Variants in DCLK1 observed in about 807,000 individuals in gnomAD.
The protein encoded by DCLK1 is serine/threonine-protein kinase DCLK1.
A neutral mutation model predicts 86.2 loss-of-function variants in DCLK1; 16 were observed. The observed-to-expected ratio is 0.19, with a 90% CI of 0.13 to 0.28. DCLK1 has a LOEUF of 0.28. DCLK1 is among the 10% of genes least tolerant of loss of function. The pLI, the probability that DCLK1 is intolerant of heterozygous loss-of-function variation, is 1.00. For synonymous variants in DCLK1, 369 were observed against 370.5 expected (o/e 1.00, Z 0.05); for missense variants, 590 against 940.2 (o/e 0.63, Z 4.87).
chr13:36,083,470 T>G (rs937459084), intron 3 of DCLK1, among the ~76,000 whole-genome samples: 5 of 152,216 alleles, frequency 3.3e-5, no homozygotes, highest in Admixed American at 3.3e-4. Context: ...ATAATTAAAA[T>G]TTAAATGGCT....
rs774404394 is a variant in DCLK1 at position 36,019,795 on chromosome 13, G to A, written c.724-72338C>T. 6.6e-5 allele frequency among the ~76,000 whole-genome samples: 10 copies of A among 152,266 alleles called. No homozygotes were observed. The South Asian group carries it at 1.0e-3, about 16-fold the overall frequency. On this transcript the variant is annotated intron_variant, in intron 3 of 16. Coordinates refer to ENST00000360631, the MANE Select transcript of DCLK1 (RefSeq NM_001330071.2). ...GCAGTACTGAGTTTTAAAAGACAGC[G>A]AAAGGCACATTGTAATCTTCAGCAT...
intron 4 of DCLK1, among the ~76,000 whole-genome samples, chr13:35,918,892 G>GTTT (rs749567335): frequency 0.049 from 3,760 of 76,336 alleles, 603 homozygotes; most frequent in East Asian, 0.3. Flanking sequence ...TTCTGAGTGT[G>GTTT]TTTTTTTTTT....
intron 2 of DCLK1, among the ~76,000 whole-genome samples, chr13:36,122,403 A>ATATTTTTTATCTTAATT (rs1886023460): frequency 1.3e-5 from 2 of 152,224 alleles, no homozygotes; most frequent in Admixed American, 6.5e-5. Flanking sequence ...AGAAGATTAC[A>ATATTTTTTATCTTAATT]TATCTACAGA....
intron 4 of DCLK1, among the ~76,000 whole-genome samples, chr13:35,945,213 A>G (rs1316253690): frequency 6.6e-6 from 1 of 152,150 alleles, no homozygotes; most frequent in Non-Finnish European, 1.5e-5. Flanking sequence ...GGGCATTGAG[A>G]AATAATTCTA....
intron 7 of DCLK1, among the ~76,000 whole-genome samples, chr13:35,838,583 C>T (rs1319846681): frequency 6.6e-6 from 1 of 152,206 alleles, no homozygotes; most frequent in Non-Finnish European, 1.5e-5. Context: ...GACCACATCA[C>T]AGAGACATTC....
chr13:35,919,172 A>G (rs1204598890), intron 4 of DCLK1, among the ~76,000 whole-genome samples: 1 of 152,088 alleles, frequency 6.6e-6, no homozygotes, highest in Non-Finnish European at 1.5e-5. Flanking sequence ...GATTACAGCC[A>G]TCAGCCACCA....
chr13:35,988,127 G>C (rs1880034614), intron 3 of DCLK1, among the ~76,000 whole-genome samples: 1 of 152,310 alleles, frequency 6.6e-6, no homozygotes, highest in Admixed American at 6.5e-5. Flanking sequence ...CAGCCCCACT[G>C]TTTCCTCCCT....
chr13:35,932,662 C>A (rs928971927), intron 4 of DCLK1, among the ~76,000 whole-genome samples: 1 of 152,178 alleles, frequency 6.6e-6, no homozygotes, highest in Non-Finnish European at 1.5e-5. Flanking sequence ...TCTCATGCAA[C>A]TTATTCACTA....
At position 35,774,297 on chromosome 13, in the gene DCLK1, A is replaced by C; in HGVS notation, c.*238T>G. On this transcript the variant is annotated 3_prime_UTR_variant, in exon 17 of 17. Coordinates refer to ENST00000360631, the MANE Select transcript of DCLK1 (RefSeq NM_001330071.2). ...CTTCTAAGTTTAAAAAAAAATTGCA[A>C]ATTGGCCTTAACCCTTTGAGGACTC... 2.1e-6 allele frequency: 1 copy of C among 473,550 alleles called. No homozygotes were observed. The highest frequency in any genetic ancestry group is 3.6e-5 in the Admixed American group (1 of 28,026). 29.3% of individuals were successfully genotyped at this position (473,550 alleles called of 1,614,324 possible).
At chr13:36,044,409 A>G (rs1385903679) in intron 3 of DCLK1, among the ~76,000 whole-genome samples, 1 of 152,204 alleles carries the variant, frequency 6.6e-6, no homozygotes, top group Non-Finnish European at 1.5e-5. Flanking sequence ...GGAGATGATG[A>G]CTGTACAGAA....
At chr13:35,791,037 G>A (rs375842242) in intron 16 of DCLK1, among the ~76,000 whole-genome samples, 1 of 152,126 alleles carries the variant, frequency 6.6e-6, no homozygotes, top group Admixed American at 6.6e-5. Flanking sequence ...TCTTCTAGAA[G>A]GTAGAGATAT....
intron 3 of DCLK1, among the ~76,000 whole-genome samples, chr13:35,984,491 G>A (rs1879806179): frequency 6.6e-6 from 1 of 152,194 alleles, no homozygotes; most frequent in African/African-American, 2.4e-5. Flanking sequence ...CTCCAGGATG[G>A]GGCTGTTGAG....
intron 3 of DCLK1, among the ~76,000 whole-genome samples, chr13:36,098,751 G>A (rs1039655487): frequency 1.3e-5 from 2 of 151,960 alleles, no homozygotes; most frequent in African/African-American, 4.8e-5. Context: ...TCCCTCTCAC[G>A]TTAACTGATG....
intron 2 of DCLK1, among the ~76,000 whole-genome samples, chr13:36,117,940 G>A (rs369193524): frequency 1.8e-4 from 27 of 152,194 alleles, no homozygotes; most frequent in African/African-American, 5.3e-4. Context: ...AAGGGAAATG[G>A]AATTCACACT....
intron 4 of DCLK1, among the ~76,000 whole-genome samples, chr13:35,941,076 C>T (rs74046170): frequency 4.2e-4 from 64 of 152,250 alleles, no homozygotes; most frequent in African/African-American, 1.5e-3. Flanking sequence ...GATGTAGAGA[C>T]CACACAGAAA....
intron 3 of DCLK1, among the ~76,000 whole-genome samples, chr13:36,019,601 A>G (rs1881684309): frequency 1.3e-5 from 2 of 152,204 alleles, no homozygotes; most frequent in African/African-American, 4.8e-5. Context: ...ACCTGAGAAC[A>G]CTTATCACGA....
chr13:36,120,357 G>A (rs192759577), intron 2 of DCLK1, among the ~76,000 whole-genome samples: 1 of 152,222 alleles, frequency 6.6e-6, no homozygotes, highest in Non-Finnish European at 1.5e-5. Flanking sequence ...TATTTTTATT[G>A]TACCTTTTCT....
chr13:36,126,220 T>TTGG, intron 1 of DCLK1, 64 bp from the exon 2 acceptor site: 2 of 1,201,212 alleles, frequency 1.7e-6, no homozygotes, highest in East Asian at 5.9e-5. Context: ...TATATATATT[T>TTGG]TTTTGTTTTT....
intron 4 of DCLK1, among the ~76,000 whole-genome samples, chr13:35,925,704 G>A (rs1157120345): frequency 6.6e-6 from 1 of 152,146 alleles, no homozygotes; most frequent in East Asian, 1.9e-4. Context: ...TACCTTTTGT[G>A]TGTTTGGTTG....
Sources: gnomAD v4.1 joint callset for allele counts (sites outside exome capture counted in the v4.1 genomes callset) on GRCh38, gnomAD v4.1.1 for gene constraint, MANE v1.5 for transcripts, NCBI Gene and HGNC (gene_info 2026-07-23, HGNC 2026-07-21) for gene names.